The following SYT1 variants were observed in gnomAD, a reference collection of about 807,000 sequenced individuals.
SYT1 encodes synaptotagmin-1.
Under a neutral mutation model 44.8 loss-of-function variants are expected in SYT1, and 8 were observed. The observed-to-expected ratio is 0.18, with a 90% CI of 0.10 to 0.32. The LOEUF (loss-of-function observed/expected upper bound fraction) is 0.32. Among genes scored for constraint, SYT1 ranks in the 10% least tolerant of loss-of-function variants. The probability of loss-of-function intolerance (pLI) is 1.00; values close to 1 mark genes in which losing one functional copy is unlikely to be tolerated. For missense variants in SYT1, 286 were observed against 509.3 expected (o/e 0.56, Z 4.22); for synonymous variants, 154 against 188.8 (o/e 0.82, Z 1.51).
At chr12:79,227,074 A>T (rs565133423) in intron 4 of SYT1, among the ~76,000 whole-genome samples, 82 of 152,248 alleles carry the variant, frequency 5.4e-4, no homozygotes, top group Non-Finnish European at 9.4e-4. Flanking sequence ...TTACTCTGTC[A>T]CTTGAAATTC....
intron 4 of SYT1, among the ~76,000 whole-genome samples, chr12:79,224,599 T>C (rs537458565): frequency 1.3e-5 from 2 of 152,166 alleles, no homozygotes; most frequent in East Asian, 3.9e-4. Context: ...TAAATTTGAA[T>C]GTAGCAGAAG....
At chr12:78,897,444 T>A (rs1272360399) in intron 1 of SYT1, among the ~76,000 whole-genome samples, 1 of 151,980 alleles carries the variant, frequency 6.6e-6, no homozygotes, top group Non-Finnish European at 1.5e-5. Flanking sequence ...GCTCAAATAC[T>A]GTCCAAACCT....
rs199999817 is a variant in SYT1, at chr12:79,308,612, A to AAAAGAAAGAAAGAAAGAAAGAAAG, written c.810+9085_810+9108dup. 7.1e-4 allele frequency among the ~76,000 whole-genome samples: 96 copies of AAAAGAAAGAAAGAAAGAAAGAAAG among 134,314 alleles called. 1 individual carries two copies. Among genetic ancestry groups the AAAAGAAAGAAAGAAAGAAAGAAAG allele is most frequent in the African/African-American group, 2.5e-3 (88 of 35,268 alleles). The allele number at this position is 134,314 out of a possible 152,430, so 88.1% of individuals were successfully genotyped here. A position where few individuals can be genotyped will look rare whatever the true frequency, so the allele number is the denominator to read the frequency against. ...GAAAGAAGAAAGAAAGAAAGAAAGA[A>AAAAGAAAGAAAGAAAGAAAGAAAG]AAAGAAAGAAAGAAAGAAAGAAAGA... On this transcript the variant is annotated intron_variant, in intron 8 of 10. Coordinates refer to ENST00000261205, the MANE Select transcript of SYT1 (RefSeq NM_005639.3).
intron 1 of SYT1, among the ~76,000 whole-genome samples, chr12:78,966,872 G>A (rs1344654570): frequency 6.6e-6 from 1 of 152,156 alleles, no homozygotes; most frequent in East Asian, 1.9e-4. Flanking sequence ...TGAGTTACAT[G>A]TAAAGTCAAT....
chr12:78,987,007 G>A (rs1592635494), intron 2 of SYT1, among the ~76,000 whole-genome samples: 2 of 151,912 alleles, frequency 1.3e-5, no homozygotes, highest in Admixed American at 6.6e-5. Context: ...TTTAATAAAG[G>A]GCTCATATCC....
chr12:79,224,908 T>A (rs1043326739), intron 4 of SYT1, among the ~76,000 whole-genome samples: 1 of 151,722 alleles, frequency 6.6e-6, no homozygotes, highest in African/African-American at 2.4e-5. Flanking sequence ...GCCTCCCAAG[T>A]AGCTGGGATT....
At chr12:79,370,624 A>G (rs897578745) in intron 9 of SYT1, among the ~76,000 whole-genome samples, 6 of 152,170 alleles carry the variant, frequency 3.9e-5, no homozygotes, top group African/African-American at 7.2e-5. Context: ...TTAGCCGGGC[A>G]TGGTGACGGG....
At chr12:79,278,937 C>G (rs532791956) in intron 4 of SYT1, among the ~76,000 whole-genome samples, 2 of 151,400 alleles carry the variant, frequency 1.3e-5, no homozygotes, top group South Asian at 2.1e-4. Flanking sequence ...AACATATAGC[C>G]CCCCCAAGCC....
At chr12:79,182,734 A>G (rs1490342312) in intron 3 of SYT1, among the ~76,000 whole-genome samples, 2 of 152,112 alleles carry the variant, frequency 1.3e-5, no homozygotes, top group Non-Finnish European at 2.9e-5. Context: ...TCTGCTGAAA[A>G]GATTTTCTTT....
Position 78,876,626 on chromosome 12 carries a change from T to C in SYT1, c.-217+11517T>C, listed in dbSNP as rs763617406. On this transcript the variant is annotated intron_variant, in intron 1 of 10. Transcript: ENST00000261205. ...ATGTAAATATATACACATATGTATATACACACGTGTACACATATGTATATA... is the reference window on the plus strand; with the variant it reads ...ATGTAAATATATACACATATGTATACACACACGTGTACACATATGTATATA... Among the ~76,000 whole-genome samples the C allele has an allele frequency of 2.9e-5, 4 of 136,194 alleles. No homozygotes were observed. The East Asian group carries it at 6.3e-4, about 21-fold the overall frequency. 89.3% of individuals were successfully genotyped at this position (136,194 alleles called of 152,430 possible). A position where few individuals can be genotyped will look rare whatever the true frequency, so the allele number is the denominator to read the frequency against.
At chr12:79,064,999 A>C (rs1012951882) in intron 3 of SYT1, among the ~76,000 whole-genome samples, 2 of 149,712 alleles carry the variant, frequency 1.3e-5, no homozygotes, top group African/African-American at 2.5e-5. Flanking sequence ...AAAGAAAGAA[A>C]AGGAAACCTT....
intron 3 of SYT1, among the ~76,000 whole-genome samples, chr12:79,121,134 G>A (rs1194790465): frequency 2.0e-5 from 3 of 151,738 alleles, no homozygotes; most frequent in Non-Finnish European, 4.4e-5. Context: ...TCTTCCTTCA[G>A]ATTACTCCTA....
At chr12:79,310,133 G>A (rs1174827753) in intron 8 of SYT1, among the ~76,000 whole-genome samples, 7 of 151,936 alleles carry the variant, frequency 4.6e-5, no homozygotes, top group Non-Finnish European at 8.8e-5. Context: ...TTTCTTCTAG[G>A]GTTTTTATGG....
intron 2 of SYT1, among the ~76,000 whole-genome samples, chr12:79,016,047 T>C (rs1871785250): frequency 6.6e-6 from 1 of 152,180 alleles, no homozygotes; most frequent in Admixed American, 6.6e-5. Flanking sequence ...TGATAACTTT[T>C]CCTTCACTGA....
intron 3 of SYT1, among the ~76,000 whole-genome samples, chr12:79,067,964 T>G (rs1333555341): frequency 3.3e-5 from 5 of 152,186 alleles, no homozygotes; most frequent in African/African-American, 1.2e-4. Context: ...CACCTCTACA[T>G]TTTTATTTCC....
intron 4 of SYT1, among the ~76,000 whole-genome samples, chr12:79,227,208 A>AT (rs1329790664): frequency 1.3e-5 from 2 of 151,978 alleles, no homozygotes; most frequent in African/African-American, 2.4e-5. Context: ...CCAGGCCTTA[A>AT]TTTTTTTAAA....
At chr12:79,292,211 A>C in intron 6 of SYT1, 81 bp downstream of exon 6, 1 of 1,506,420 alleles carries the variant, frequency 6.6e-7, no homozygotes, top group Admixed American at 2.1e-5. Flanking sequence ...ATACCTCTTA[A>C]AATATTTTGT....
chr12:79,133,924 G>C (rs983441803), intron 3 of SYT1, among the ~76,000 whole-genome samples: 2 of 152,122 alleles, frequency 1.3e-5, no homozygotes, highest in Admixed American at 6.6e-5. Flanking sequence ...GATAGAATTA[G>C]AGATTTGGCA....
In SYT1 at chr12:78,895,900, G is replaced by A. The variant is rs537004647; in HGVS notation, c.-217+30791G>A. ...AAAAAGTATAATTGTGTAGAAGAAAGAAAAATGGGTAAGAGAAACGTAAGG... is the reference window on the plus strand; with the variant it reads ...AAAAAGTATAATTGTGTAGAAGAAAAAAAAATGGGTAAGAGAAACGTAAGG... On this transcript the variant is annotated intron_variant, in intron 1 of 10. Transcript: ENST00000261205. Among the ~76,000 whole-genome samples, 11 of 151,770 alleles carry A rather than the reference G, an allele frequency of 7.2e-5. 1 individual carries two copies. In the South Asian group the frequency reaches 2.3e-3, roughly 32 times the overall value.
Sources: allele counts gnomAD v4.1 joint callset (sites outside exome capture counted in the v4.1 genomes callset), GRCh38; gene constraint gnomAD v4.1.1; transcripts MANE v1.5; gene names NCBI Gene and HGNC (gene_info 2026-07-23, HGNC 2026-07-21).